ARHGAP15: variants seen among roughly 807,000 people sequenced by gnomAD.
The protein encoded by ARHGAP15 is Rho GTPase activating protein 15, also known as rho GTPase-activating protein 15.
ARHGAP15 carries 51 observed loss-of-function variants against 63.7 expected under a neutral mutation model. That is an observed-to-expected ratio of 0.80 (90% CI 0.64 to 1.01). ARHGAP15 has a LOEUF of 1.01. Ranked by LOEUF, ARHGAP15 falls within the 50% of genes least tolerant of loss-of-function variation. The probability of loss-of-function intolerance (pLI) is 0.00; values close to 1 mark genes in which losing one functional copy is unlikely to be tolerated. For synonymous variants in ARHGAP15, 191 were observed against 193.8 expected (o/e 0.99, Z 0.12); for missense variants, 560 against 564.6 (o/e 0.99, Z 0.08).
At chr2:143,165,848 T>C (rs946901125) in intron 2 of ARHGAP15, among the ~76,000 whole-genome samples, 5 of 151,860 alleles carry the variant, frequency 3.3e-5, no homozygotes, top group Non-Finnish European at 5.9e-5. Flanking sequence ...ACAGTATTAA[T>C]GCCAATAACA....
At chr2:143,427,241 T>C (rs1213861357) in intron 6 of ARHGAP15, among the ~76,000 whole-genome samples, 1 of 152,204 alleles carries the variant, frequency 6.6e-6, no homozygotes, top group East Asian at 1.9e-4. Context: ...TACTTATTAA[T>C]AGGAGACTAG....
At chr2:143,673,748 G>GTATA (rs869099523) in intron 12 of ARHGAP15, among the ~76,000 whole-genome samples, 13 of 34,158 alleles carry the variant, frequency 3.8e-4, no homozygotes, top group South Asian at 2.0e-3. Flanking sequence ...GTGTGTGTGT[G>GTATA]TGTGTGTGTG....
chr2:143,391,893 A>T (rs556808583), intron 6 of ARHGAP15, among the ~76,000 whole-genome samples: 1 of 152,334 alleles, frequency 6.6e-6, no homozygotes, highest in African/African-American at 2.4e-5. Flanking sequence ...GACATTTATC[A>T]TGTTGTCATT....
intron 11 of ARHGAP15, among the ~76,000 whole-genome samples, chr2:143,572,402 C>G (rs1696497548): frequency 6.6e-6 from 1 of 152,126 alleles, no homozygotes; most frequent in Admixed American, 6.6e-5. Flanking sequence ...GCCATCTTCC[C>G]CATTCCTCTC....
At chr2:143,454,112 C>A in intron 8 of ARHGAP15, among the ~76,000 whole-genome samples, 1 of 152,008 alleles carries the variant, frequency 6.6e-6, no homozygotes, top group East Asian at 1.9e-4. Flanking sequence ...GTTCCTGAAG[C>A]CTTCCTTAGT....
chr2:143,359,803 A>C (rs368696196), intron 6 of ARHGAP15, among the ~76,000 whole-genome samples: 2 of 152,178 alleles, frequency 1.3e-5, no homozygotes, highest in African/African-American at 4.8e-5. Flanking sequence ...AGAAAACGGA[A>C]CCCTTGACTA....
intron 13 of ARHGAP15, among the ~76,000 whole-genome samples, chr2:143,729,915 G>A (rs1310716452): frequency 6.6e-6 from 1 of 152,114 alleles, no homozygotes; most frequent in Non-Finnish European, 1.5e-5. Flanking sequence ...TTTTTTGTGA[G>A]GTGAGAGGGA....
At chr2:143,235,509 G>T (rs142164853) in intron 5 of ARHGAP15, among the ~76,000 whole-genome samples, 2 of 152,174 alleles carry the variant, frequency 1.3e-5, no homozygotes, top group African/African-American at 4.8e-5. Context: ...GATTTGCTGA[G>T]TGACAAATTT....
At chr2:143,735,211 T>C (rs1192801849) in intron 13 of ARHGAP15, among the ~76,000 whole-genome samples, 1 of 152,218 alleles carries the variant, frequency 6.6e-6, no homozygotes, top group Non-Finnish European at 1.5e-5. Context: ...ATTTACTATG[T>C]GAAAACCTAT....
chr2:143,179,864 C>T (rs1691162867), intron 2 of ARHGAP15, among the ~76,000 whole-genome samples: 1 of 147,770 alleles, frequency 6.8e-6, no homozygotes, highest in Admixed American at 6.8e-5. Flanking sequence ...TGCGCTCCAG[C>T]CTGGGAGATA....
chr2:143,173,644 A>G (rs1690890300), intron 2 of ARHGAP15, among the ~76,000 whole-genome samples: 2 of 152,164 alleles, frequency 1.3e-5, no homozygotes, highest in Non-Finnish European at 2.9e-5. Flanking sequence ...TTTTATCTGG[A>G]GTAAATTGAG....
chr2:143,195,492 G>GA (rs201484866), intron 2 of ARHGAP15, among the ~76,000 whole-genome samples: 51 of 150,168 alleles, frequency 3.4e-4, no homozygotes, highest in South Asian at 1.3e-3. Context: ...TAACTGTAAA[G>GA]AAAAAAAAAG....
chr2:143,429,571 G>A (rs184193193), intron 6 of ARHGAP15, among the ~76,000 whole-genome samples: 4 of 152,120 alleles, frequency 2.6e-5, no homozygotes, highest in Admixed American at 2.6e-4. Flanking sequence ...ACCACTGAGG[G>A]TTCCAATAAA....
At chr2:143,461,281 CAAAAAA>C (rs70982868) in intron 8 of ARHGAP15, among the ~76,000 whole-genome samples, 6 of 55,054 alleles carry the variant, frequency 1.1e-4, no homozygotes, top group African/African-American at 1.6e-4. Flanking sequence ...CTCTGTCTCT[CAAAAAA>C]AAAAAAAAAA....
chr2:143,566,547 C>G (rs1696231235), intron 11 of ARHGAP15, among the ~76,000 whole-genome samples: 1 of 152,258 alleles, frequency 6.6e-6, no homozygotes, highest in African/African-American at 2.4e-5. Context: ...ATACTAGGAT[C>G]TGCAGGCATC....
At chr2:143,476,471 A>G (rs1377262148) in intron 8 of ARHGAP15, among the ~76,000 whole-genome samples, 2 of 152,216 alleles carry the variant, frequency 1.3e-5, no homozygotes, top group East Asian at 3.8e-4. Flanking sequence ...CACATAATGA[A>G]GAAAACATTC....
chr2:143,585,463 T>C (rs556716398), intron 11 of ARHGAP15, among the ~76,000 whole-genome samples: 2 of 152,190 alleles, frequency 1.3e-5, no homozygotes, highest in East Asian at 1.9e-4. Context: ...GATGGCCCTA[T>C]GTGTTGGTGT....
intron 1 of ARHGAP15, among the ~76,000 whole-genome samples, chr2:143,153,803 C>G (rs954779117): frequency 1.6e-5 from 1 of 62,954 alleles, no homozygotes; most frequent in African/African-American, 5.7e-5. Context: ...TCTTCTTCTT[C>G]TTCTTCTTCT....
chr2:143,496,583 A>G (rs552717799), intron 9 of ARHGAP15, among the ~76,000 whole-genome samples: 1 of 152,336 alleles, frequency 6.6e-6, no homozygotes, highest in Admixed American at 6.5e-5. Flanking sequence ...TGGTTTTACC[A>G]GTAAATTTCT....
Sources: gnomAD v4.1 joint callset for allele counts (sites outside exome capture counted in the v4.1 genomes callset) on GRCh38, gnomAD v4.1.1 for gene constraint, MANE v1.5 for transcripts, NCBI Gene and HGNC (gene_info 2026-07-23, HGNC 2026-07-21) for gene names.